The following MYBPC1 variants were observed in gnomAD, a reference collection of about 807,000 sequenced individuals.
MYBPC1 encodes myosin-binding protein C, slow-type.
Under a neutral mutation model 147.1 loss-of-function variants are expected in MYBPC1, and 52 were observed. The ratio of observed to expected loss-of-function variants is 0.35; its 90% CI spans 0.28 to 0.45. The LOEUF (loss-of-function observed/expected upper bound fraction) is 0.45. MYBPC1 is among the 20% of genes least tolerant of loss of function. The pLI is 1.00. For synonymous variants in MYBPC1, 477 were observed against 475.9 expected, an observed-to-expected ratio of 1.00 and a Z score of -0.03; for missense variants, 1,228 against 1,440.3, an observed-to-expected ratio of 0.85 and a Z score of 2.39.
chr12:101,606,203 A>AAAACACACAC (rs1555221849), intron 1 of MYBPC1, among the ~76,000 whole-genome samples: 3 of 145,784 alleles, frequency 2.1e-5, no homozygotes, highest in African/African-American at 7.6e-5. Context: ...TCAAAAAAGA[A>AAAACACACAC]ACACACACAC....
At chr12:101,614,393 AG>A in intron 1 of MYBPC1, 102 bp from the exon 2 acceptor site, 1 of 1,255,394 alleles carries the variant, frequency 8.0e-7, no homozygotes, top group Non-Finnish European at 1.2e-6. Context: ...GAGTACACAC[AG>A]GTGAGATGGC....
At position 101,596,994 on chromosome 12, in the gene MYBPC1, G is replaced by T. The variant is rs570100216; in HGVS notation, c.25+1899G>T. On this transcript the variant is annotated intron_variant, in intron 1 of 31. Coordinates refer to ENST00000361466, the MANE Select transcript of MYBPC1 (RefSeq NM_002465.4). ...TTAAAATCCATTGAGGAAGTACAGA[G>T]ATTTTTTTGGTTCCCTTACCAGCAG... is the stretch of plus-strand genomic sequence containing the variant. Among the ~76,000 whole-genome samples, 6 of 152,316 alleles carry T rather than the reference G, an allele frequency of 3.9e-5. No homozygotes were observed. In the South Asian group the frequency reaches 1.2e-3, roughly 32 times the overall value.
At chr12:101,599,587 C>A (rs1463193228) in intron 1 of MYBPC1, among the ~76,000 whole-genome samples, 1 of 152,062 alleles carries the variant, frequency 6.6e-6, no homozygotes, top group Admixed American at 6.6e-5. Flanking sequence ...ATTTCAAACA[C>A]CGAAATCAAT....
intron 3 of MYBPC1, among the ~76,000 whole-genome samples, chr12:101,621,923 T>C (rs1326691147): frequency 6.6e-6 from 1 of 152,220 alleles, no homozygotes; most frequent in Non-Finnish European, 1.5e-5. Context: ...ATTTCTTCTC[T>C]GGGAACTTCA....
intron 22 of MYBPC1, among the ~76,000 whole-genome samples, chr12:101,665,703 G>T (rs547119665): frequency 2.6e-5 from 4 of 151,940 alleles, no homozygotes; most frequent in African/African-American, 9.7e-5. Context: ...TCCCCCTCTG[G>T]TCTTGTTTCG....
chr12:101,645,655 A>T (rs1892948486), intron 12 of MYBPC1, among the ~76,000 whole-genome samples: 2 of 152,236 alleles, frequency 1.3e-5, no homozygotes, highest in Admixed American at 6.5e-5. Flanking sequence ...CCAAAAACAT[A>T]ATTTTAATTG....
chr12:101,669,874 T>G (rs1594024092), intron 23 of MYBPC1: 2 of 275,362 alleles, frequency 7.3e-6, no homozygotes, highest in South Asian at 3.3e-5. Flanking sequence ...GAGGCGGAGG[T>G]TGCAGTGAGC....
At chr12:101,694,395 T>TC in the MYBPC1 span, among the ~76,000 whole-genome samples, 2 of 152,346 alleles carry the variant, frequency 1.3e-5, no homozygotes, top group East Asian at 3.9e-4. Context: ...CAGAATGGTA[T>TC]CCTGCCCCTG....
chr12:101,632,026 C>A lies in MYBPC1; in HGVS notation c.444C>A (p.Tyr148Ter). 1.2e-6 allele frequency: 2 copies of A among 1,609,196 alleles called. No individual in the cohort carries two copies. The highest frequency in any genetic ancestry group is 1.7e-6 in the Non-Finnish European group (2 of 1,175,470). The change falls in exon 8 of 32, where the codon TAC becomes TAA. Residue 148 changes from tyrosine (Y) to a stop codon, truncating the protein, a stop_gained. Transcript: ENST00000361466. LOFTEE classifies it high-confidence loss of function. ...KETFERHSRV[Y>*]TFEMQIIKAK... Reference sequence around the variant, plus strand: ...CTGGATGCATTTCATTGCAGGTGTACACATTTGAGATGCAGATCATCAAGG... The same window carrying A: ...CTGGATGCATTTCATTGCAGGTGTAAACATTTGAGATGCAGATCATCAAGG...
chr12:101,639,061 C>T (rs762631731), intron 10 of MYBPC1, among the ~76,000 whole-genome samples: 4 of 152,094 alleles, frequency 2.6e-5, no homozygotes, highest in Admixed American at 6.6e-5. Flanking sequence ...CTCTGTACAA[C>T]GAAAGATCTT....
At chr12:101,620,443 G>T (rs1228306717) in intron 3 of MYBPC1, among the ~76,000 whole-genome samples, 2 of 152,200 alleles carry the variant, frequency 1.3e-5, no homozygotes, top group African/African-American at 4.8e-5. Context: ...TGGGCACTGG[G>T]TCCTGCCCTC....
intron 9 of MYBPC1, among the ~76,000 whole-genome samples, chr12:101,636,383 A>G (rs748486930): frequency 1.2e-4 from 19 of 152,318 alleles, no homozygotes; most frequent in Non-Finnish European, 2.5e-4. Flanking sequence ...GCTTAAGTGC[A>G]TTTGTGTTAC....
chr12:101,623,338 C>CA (rs1249751108), intron 3 of MYBPC1, among the ~76,000 whole-genome samples: 2 of 151,986 alleles, frequency 1.3e-5, no homozygotes, highest in Admixed American at 6.6e-5. Context: ...GACTCTGTCT[C>CA]AAAAAACAAA....
At position 101,626,877 on chromosome 12, in the gene MYBPC1, G is replaced by A; in HGVS notation, c.109G>A (p.Glu37Lys). The A allele has an allele frequency of 1.2e-6, 2 of 1,612,556 alleles. No individual in the cohort carries two copies. Among genetic ancestry groups the A allele is most frequent in the Non-Finnish European group, 1.7e-6 (2 of 1,178,558 alleles). The change falls in exon 4 of 32, where the codon GAG (glutamate) becomes AAG (lysine). Residue 37 changes from glutamate to lysine, a missense_variant. This residue lies in a region of MYBPC1 where 151 missense variants were observed against 126.1 expected (regional missense o/e 1.20). Transcript: ENST00000361466. ...EAGTTPAKDE[E>K]EVSPPSALPP... is the part of the protein sequence containing the mutation. ...ACTCCTATTTCTTGTTTCAGATGAA[G>A]AGGAAGTCTCCCCGCCTAGCGCCTT... is the stretch of plus-strand genomic sequence containing the variant.
intron 3 of MYBPC1, among the ~76,000 whole-genome samples, chr12:101,624,003 G>A (rs1224423447): frequency 3.9e-5 from 6 of 152,026 alleles, no homozygotes; most frequent in Non-Finnish European, 8.8e-5. Context: ...AGGTGCTAAC[G>A]ACCATATCAT....
chr12:101,693,104 G>A, the MYBPC1 span, among the ~76,000 whole-genome samples: 7 of 151,836 alleles, frequency 4.6e-5, no homozygotes, highest in African/African-American at 1.5e-4. Flanking sequence ...CCACCACCAC[G>A]CGCGGCTAAT....
chr12:101,689,414 C>A (rs1951388263), downstream of MYBPC1, among the ~76,000 whole-genome samples: 1 of 152,156 alleles, frequency 6.6e-6, no homozygotes, highest in African/African-American at 2.4e-5. Context: ...AAAAGCAGTT[C>A]TTTTAGTTTA....
At chr12:101,678,331 C>T (rs901705430) in intron 28 of MYBPC1, 93 bp downstream of exon 28, 6 of 1,537,670 alleles carry the variant, frequency 3.9e-6, no homozygotes, top group Admixed American at 1.7e-5. Flanking sequence ...CCAGCTGCTA[C>T]TTGTGTCTTC....
chr12:101,616,590 C>T (rs1226333505), intron 2 of MYBPC1, among the ~76,000 whole-genome samples: 1 of 152,102 alleles, frequency 6.6e-6, no homozygotes, highest in Non-Finnish European at 1.5e-5. Context: ...ATTTGCAGGT[C>T]TAAACTAATA....
Sources: allele counts gnomAD v4.1 joint callset (sites outside exome capture counted in the v4.1 genomes callset), GRCh38; gene constraint gnomAD v4.1.1; regional missense constraint gnomAD v4.1.1; transcripts MANE v1.5; gene names NCBI Gene and HGNC (gene_info 2026-07-23, HGNC 2026-07-21).